Variants in STPG2 observed in about 807,000 individuals in gnomAD.
The protein encoded by STPG2 is sperm tail PG-rich repeat containing 2.
A neutral mutation model predicts 54.2 loss-of-function variants in STPG2; 56 were observed. The observed-to-expected ratio is 1.03, with a 90% CI of 0.83 to 1.29. The LOEUF (loss-of-function observed/expected upper bound fraction) is 1.29. STPG2 is among the 50% of genes most tolerant of loss of function. The probability of loss-of-function intolerance (pLI) is 0.00; values close to 1 mark genes in which losing one functional copy is unlikely to be tolerated. For missense variants in STPG2, 596 were observed against 544.9 expected (o/e 1.09, Z -0.93); for synonymous variants, 200 against 181.8 (o/e 1.10, Z -0.81).
chr4:97,845,477 T>C (rs1295469911), intron 8 of STPG2, among the ~76,000 whole-genome samples: 2 of 152,176 alleles, frequency 1.3e-5, no homozygotes, highest in Non-Finnish European at 2.9e-5. Flanking sequence ...CTTTTTCTCC[T>C]TAAAGTTATT....
At chr4:97,931,558 T>C (rs1250798172) in intron 8 of STPG2, among the ~76,000 whole-genome samples, 1 of 152,216 alleles carries the variant, frequency 6.6e-6, no homozygotes, top group African/African-American at 2.4e-5. Context: ...GATTACCTTT[T>C]AGATATGCTG....
At chr4:97,703,709 ATAGTATATATATT>A (rs1475608227) in intron 10 of STPG2, among the ~76,000 whole-genome samples, 1 of 141,420 alleles carries the variant, frequency 7.1e-6, no homozygotes, top group East Asian at 2.0e-4. Flanking sequence ...ATAGTATATT[ATAGTATATATATT>A]TAGTATATAT....
chr4:98,121,727 T>TG (rs1553944002), intron 3 of STPG2, among the ~76,000 whole-genome samples: 10 of 151,172 alleles, frequency 6.6e-5, no homozygotes, highest in East Asian at 2.0e-4. Context: ...GTGATTTTTT[T>TG]TGTGTGTGTG....
At chr4:98,004,476 C>T (rs965333517) in intron 5 of STPG2, among the ~76,000 whole-genome samples, 3 of 152,156 alleles carry the variant, frequency 2.0e-5, no homozygotes, top group Non-Finnish European at 2.9e-5. Flanking sequence ...CTTCAACATA[C>T]TGATTTCATC....
intron 9 of STPG2, among the ~76,000 whole-genome samples, chr4:97,765,490 T>C (rs1170672039): frequency 6.6e-6 from 1 of 152,140 alleles, no homozygotes; most frequent in Admixed American, 6.5e-5. Flanking sequence ...TTAAAAAATA[T>C]GTAAAAGTGA....
chr4:98,105,171 C>T (rs1279651920), intron 5 of STPG2, among the ~76,000 whole-genome samples: 7 of 152,186 alleles, frequency 4.6e-5, no homozygotes, highest in Admixed American at 4.6e-4. Flanking sequence ...TTTATTCTGA[C>T]CAAAAGGCAT....
intron 9 of STPG2, among the ~76,000 whole-genome samples, chr4:97,781,955 A>G (rs1348751982): frequency 1.3e-5 from 2 of 152,100 alleles, no homozygotes; most frequent in Non-Finnish European, 1.5e-5. Flanking sequence ...AGCTATTTAT[A>G]ACAAACCCAC....
At chr4:97,486,015 C>A (rs1358071352) in intron 4 of STPG2, among the ~76,000 whole-genome samples, 1 of 151,860 alleles carries the variant, frequency 6.6e-6, no homozygotes, top group Non-Finnish European at 1.5e-5. Context: ...AATGGATCCT[C>A]ATCTCTAACC....
At chr4:98,061,885 T>C (rs186279625) in intron 5 of STPG2, among the ~76,000 whole-genome samples, 242 of 152,270 alleles carry the variant, frequency 1.6e-3, no homozygotes, top group African/African-American at 5.7e-3. Flanking sequence ...GAAAGCAGTA[T>C]GGTGATTGCT....
chr4:97,665,926 G>A (rs895906253), intron 10 of STPG2, among the ~76,000 whole-genome samples: 5 of 152,266 alleles, frequency 3.3e-5, no homozygotes, highest in African/African-American at 9.6e-5. Context: ...GATTGAAGCA[G>A]GTACATACCG....
intron 9 of STPG2, among the ~76,000 whole-genome samples, chr4:97,726,166 C>T (rs1249065337): frequency 6.6e-6 from 1 of 151,848 alleles, no homozygotes; most frequent in Non-Finnish European, 1.5e-5. Context: ...GGGGTTGAAA[C>T]TTTGGATAAA....
At chr4:97,614,169 C>T (rs1733801153) in intron 10 of STPG2, among the ~76,000 whole-genome samples, 1 of 151,950 alleles carries the variant, frequency 6.6e-6, no homozygotes, top group Admixed American at 6.6e-5. Context: ...AAGTTAAACT[C>T]ACTTTTTAAA....
intron 4 of STPG2, among the ~76,000 whole-genome samples, chr4:97,450,418 A>T (rs1253219762): frequency 6.6e-6 from 1 of 152,226 alleles, no homozygotes; most frequent in Non-Finnish European, 1.5e-5. Flanking sequence ...ATCATAAAAT[A>T]CATATAAAAT....
At chr4:97,969,913 C>T (rs1350158188) in intron 7 of STPG2, among the ~76,000 whole-genome samples, 4 of 152,158 alleles carry the variant, frequency 2.6e-5, no homozygotes, top group Non-Finnish European at 5.9e-5. Context: ...TTAGAAAACT[C>T]CATCGTCTCA....
chr4:97,745,589 ATAG>A (rs1377049724), intron 9 of STPG2, among the ~76,000 whole-genome samples: 1 of 151,214 alleles, frequency 6.6e-6, no homozygotes, highest in Non-Finnish European at 1.5e-5. Context: ...AGTAAAATTA[ATAG>A]TCATAAATAA....
At chr4:97,472,169 T>C (rs951996946) in intron 4 of STPG2, among the ~76,000 whole-genome samples, 1 of 152,180 alleles carries the variant, frequency 6.6e-6, no homozygotes, top group Non-Finnish European at 1.5e-5. Context: ...ACTGAAGGGA[T>C]AAATAGAAAC....
chr4:97,885,631 T>C (rs1227483715), intron 8 of STPG2, among the ~76,000 whole-genome samples: 1 of 152,192 alleles, frequency 6.6e-6, no homozygotes, highest in Admixed American at 6.6e-5. Flanking sequence ...CAGGTTCATA[T>C]ATACACAGAT....
At position 97,616,050 on chromosome 4, in the gene STPG2, ACATATAAATATATATATAT is replaced by A. The variant is rs1560686786; in HGVS notation, c.1321-56952_1321-56934del. ...AGACTCTGTCTCAAAAAAAAAAAATACATATAAATATATATATATATATATATATATATATATATATATA... is the reference window on the plus strand; with the variant it reads ...AGACTCTGTCTCAAAAAAAAAAAATAATATATATATATATATATATATATA... On this transcript the variant is annotated intron_variant, in intron 10 of 10. Transcript: ENST00000295268. Among the ~76,000 whole-genome samples the A allele has an allele frequency of 1.6e-3, 133 of 80,636 alleles. 3 individuals are homozygous for A. The highest frequency in any genetic ancestry group is 5.7e-3 in the Middle Eastern group (1 of 174). The allele number at this position is 80,636 out of a possible 152,430, so 52.9% of individuals were successfully genotyped here.
In STPG2 at chr4:98,049,231, C is replaced by T. The variant is rs1475661474; in HGVS notation, c.612+56722G>A. Reference sequence around the variant, plus strand: ...GTGGGGTAGAAGGGTCTCTAATGAACACTCGACTTGAAGTTTTAGAATAAA... The same window carrying T: ...GTGGGGTAGAAGGGTCTCTAATGAATACTCGACTTGAAGTTTTAGAATAAA... On this transcript the variant is annotated intron_variant, in intron 5 of 10. Coordinates refer to ENST00000295268, the MANE Select transcript of STPG2 (RefSeq NM_174952.3). 2.0e-5 allele frequency among the ~76,000 whole-genome samples: 3 copies of T among 152,048 alleles called. No individual in the cohort carries two copies. The South Asian group carries it at 6.2e-4, about 32-fold the overall frequency.
Sources: gnomAD v4.1 joint callset for allele counts (sites outside exome capture counted in the v4.1 genomes callset) on GRCh38, gnomAD v4.1.1 for gene constraint, MANE v1.5 for transcripts, NCBI Gene and HGNC (gene_info 2026-07-23, HGNC 2026-07-21) for gene names.